Variants in RBFOX1 observed in about 807,000 individuals in gnomAD.
RBFOX1 encodes the protein RNA binding protein fox-1 homolog 1.
In RBFOX1, 8 loss-of-function variants were observed where a neutral mutation model predicts 57.7. The observed-to-expected ratio is 0.14, with a 90% confidence interval of 0.08 to 0.25. RBFOX1 has a LOEUF of 0.25. Ranked by LOEUF, RBFOX1 falls within the 10% of genes least tolerant of loss-of-function variation. The pLI, the probability that RBFOX1 is intolerant of heterozygous loss-of-function variation, is 1.00. For missense variants in RBFOX1, 611 were observed against 548.5 expected (o/e 1.11, Z -1.14); for synonymous variants, 326 against 222.4 (o/e 1.47, Z -4.15).
intron 3 of RBFOX1, among the ~76,000 whole-genome samples, chr16:6,905,228 AAC>A (rs2069542407): frequency 6.6e-6 from 1 of 151,936 alleles, no homozygotes; most frequent in Non-Finnish European, 1.5e-5. Context: ...CTTCCTAGCT[AAC>A]AGTCTCTGTA....
At chr16:7,164,973 C>A (rs925123549) in intron 4 of RBFOX1, among the ~76,000 whole-genome samples, 3 of 152,160 alleles carry the variant, frequency 2.0e-5, no homozygotes, top group African/African-American at 4.8e-5. Context: ...ATCACAGTAA[C>A]CTCTCCCTGA....
At chr16:7,242,083 A>C (rs558741899) in intron 4 of RBFOX1, among the ~76,000 whole-genome samples, 1 of 152,278 alleles carries the variant, frequency 6.6e-6, no homozygotes, top group South Asian at 2.1e-4. Context: ...ATAATTGAAA[A>C]GTCACCAGGA....
chr16:5,306,909 G>C (rs568175840), intron 1 of RBFOX1, among the ~76,000 whole-genome samples: 14 of 152,192 alleles, frequency 9.2e-5, no homozygotes, highest in Non-Finnish European at 1.9e-4. Flanking sequence ...AAGTCAAGGA[G>C]AATCATGTCT....
chr16:5,649,180 T>A (rs1421361445), intron 3 of RBFOX1, among the ~76,000 whole-genome samples: 1 of 152,118 alleles, frequency 6.6e-6, no homozygotes, highest in African/African-American at 2.4e-5. Context: ...TGTATATATG[T>A]ACTTTGTGTT....
chr16:5,889,984 C>T (rs561050801), intron 4 of RBFOX1, among the ~76,000 whole-genome samples: 2 of 152,342 alleles, frequency 1.3e-5, no homozygotes, highest in East Asian at 3.9e-4. Flanking sequence ...GTAGCTCCAG[C>T]TTCTCCTCTT....
At chr16:6,607,444 ATCTCTCTTCCTC>A (rs1418180813) in intron 2 of RBFOX1, among the ~76,000 whole-genome samples, 2 of 110,698 alleles carry the variant, frequency 1.8e-5, no homozygotes, top group Non-Finnish European at 1.9e-5. Context: ...CTCGCTCTCT[ATCTCTCTTCCTC>A]TCTCTCTTCC....
intron 4 of RBFOX1, among the ~76,000 whole-genome samples, chr16:7,154,348 G>A (rs1601233070): frequency 6.6e-6 from 1 of 152,176 alleles, no homozygotes; most frequent in African/African-American, 2.4e-5. Context: ...CTCTGCCTGG[G>A]AGATTAGAAA....
At chr16:7,706,855 A>T (rs1020028775) in intron 14 of RBFOX1, among the ~76,000 whole-genome samples, 6 of 152,250 alleles carry the variant, frequency 3.9e-5, no homozygotes, top group Non-Finnish European at 7.3e-5. Flanking sequence ...ACTTCTAGTT[A>T]AGTGGGTAAA....
At position 5,887,171 on chromosome 16, in the gene RBFOX1, T is replaced by C. The variant is rs574895718; in HGVS notation, c.351+19836T>C. 3.9e-5 allele frequency among the ~76,000 whole-genome samples: 6 copies of C among 152,126 alleles called. No individual in the cohort carries two copies. The South Asian group carries it at 1.0e-3, about 26-fold the overall frequency. The stretch of plus-strand genomic sequence containing the variant: ...AACTTGCTTTAGAGTCATAAATAAT[T>C]GGAGTCCTAAGAAGACTTCAGAGAT... On this transcript the variant is annotated intron_variant, in intron 4 of 19. Transcript: ENST00000641259.
intron 1 of RBFOX1, among the ~76,000 whole-genome samples, chr16:6,021,107 T>A (rs1026254348): frequency 6.6e-6 from 1 of 152,202 alleles, no homozygotes; most frequent in African/African-American, 2.4e-5. Context: ...ATCTTTTCAG[T>A]TGAACTTGAA....
At chr16:7,448,899 G>A (rs76458107) in intron 4 of RBFOX1, among the ~76,000 whole-genome samples, 4,416 of 132,736 alleles carry the variant, frequency 0.033, 234 homozygotes, top group African/African-American at 0.11. Context: ...ATATTCCAGT[G>A]TTCTTGGTAG....
At chr16:5,902,678 A>T (rs2058333050) in intron 4 of RBFOX1, among the ~76,000 whole-genome samples, 1 of 152,110 alleles carries the variant, frequency 6.6e-6, no homozygotes, top group Admixed American at 6.5e-5. Context: ...GGCCTCCCAA[A>T]GTCCTGGGAT....
At chr16:6,236,734 AG>A (rs2097507785) in intron 1 of RBFOX1, among the ~76,000 whole-genome samples, 1 of 152,100 alleles carries the variant, frequency 6.6e-6, no homozygotes, top group Non-Finnish European at 1.5e-5. Context: ...TACAGGTGTG[AG>A]CCACCACGTC....
intron 3 of RBFOX1, among the ~76,000 whole-genome samples, chr16:6,718,305 G>A (rs1007106181): frequency 2.0e-5 from 3 of 152,142 alleles, no homozygotes; most frequent in Non-Finnish European, 4.4e-5. Context: ...TGGAACAGAC[G>A]TGCCCTTGTC....
Position 6,808,948 on chromosome 16 carries a change from C to G in RBFOX1, c.-16+154298C>G, listed in dbSNP as rs144250743. ...AATATGTCCTGAGAAGGACTCTGTA[C>G]TTCTATATTTGAGTCCTTGTGGATG... On this transcript the variant is annotated intron_variant, in intron 3 of 15. Coordinates refer to ENST00000550418, the MANE Select transcript of RBFOX1 (RefSeq NM_018723.4). 4.6e-5 allele frequency among the ~76,000 whole-genome samples: 7 copies of G among 152,266 alleles called. No homozygotes were observed. In the East Asian group the frequency reaches 1.2e-3, roughly 25 times the overall value.
Position 5,993,340 on chromosome 16 carries a change from C to CGTGT in RBFOX1, c.351+126047_351+126050dup, listed in dbSNP as rs58189800. ...TGCCTGCCTATTTGATAATGCTGTA[C>CGTGT]GTGTGTGTGTGTGTGTGTGTGTGTG... On this transcript the variant is annotated intron_variant, in intron 4 of 19. Transcript: ENST00000641259. 4.3e-3 allele frequency among the ~76,000 whole-genome samples: 577 copies of CGTGT among 132,898 alleles called. 1 individual carries two copies. Among genetic ancestry groups the CGTGT allele is most frequent in the Non-Finnish European group, 5.8e-3 (361 of 62,364 alleles). 87.2% of individuals were successfully genotyped at this position (132,898 alleles called of 152,430 possible). A position where few individuals can be genotyped will look rare whatever the true frequency, so the allele number is the denominator to read the frequency against.
At position 6,431,896 on chromosome 16, in the gene RBFOX1, G is replaced by GCTTTCTTTCTTT. The variant is rs869041704; in HGVS notation, c.-64+114896_-64+114907dup. Among the ~76,000 whole-genome samples, 211 of 128,182 alleles carry GCTTTCTTTCTTT rather than the reference G, an allele frequency of 1.6e-3. 2 individuals carry two copies. Among genetic ancestry groups the GCTTTCTTTCTTT allele is most frequent in the Admixed American group, 1.9e-3 (23 of 11,944 alleles). 84.1% of individuals were successfully genotyped at this position (128,182 alleles called of 152,430 possible). On this transcript the variant is annotated intron_variant, in intron 2 of 15. Transcript: ENST00000550418. Reference sequence around the variant, plus strand: ...TGTCCAGAAATATGCTTGCTTGCTTGCTTTCTTTCTTTCTTTCTTTCTTTC... The same window carrying GCTTTCTTTCTTT: ...TGTCCAGAAATATGCTTGCTTGCTTGCTTTCTTTCTTTCTTTCTTTCTTTCTTTCTTTCTTTC...
At chr16:5,806,680 G>A (rs1007171450) in intron 3 of RBFOX1, among the ~76,000 whole-genome samples, 3 of 152,312 alleles carry the variant, frequency 2.0e-5, no homozygotes, top group African/African-American at 7.2e-5. Flanking sequence ...AAGGAATCAG[G>A]TCTTTGCCAG....
intron 4 of RBFOX1, among the ~76,000 whole-genome samples, chr16:7,068,684 T>C (rs1210537568): frequency 6.6e-6 from 1 of 152,142 alleles, no homozygotes; most frequent in African/African-American, 2.4e-5. Flanking sequence ...CCCCTCCGGG[T>C]TCAGGAGATT....
Sources: allele counts gnomAD v4.1 joint callset (sites outside exome capture counted in the v4.1 genomes callset), GRCh38; gene constraint gnomAD v4.1.1; transcripts MANE v1.5; gene names NCBI Gene and HGNC (gene_info 2026-07-23, HGNC 2026-07-21).